Variants in CAMK1D observed in about 807,000 individuals in gnomAD.
The protein encoded by CAMK1D is calcium/calmodulin dependent protein kinase ID.
A neutral mutation model predicts 47.7 loss-of-function variants in CAMK1D; 9 were observed. The observed-to-expected ratio is 0.19, with a 90% CI of 0.11 to 0.33. The LOEUF (loss-of-function observed/expected upper bound fraction) is 0.33. Ranked by LOEUF, CAMK1D falls within the 10% of genes least tolerant of loss-of-function variation. CAMK1D has a pLI of 1.00. For synonymous variants in CAMK1D, 184 were observed against 184.9 expected, an observed-to-expected ratio of 0.99 and a Z score of 0.04; for missense variants, 291 against 488.7, an observed-to-expected ratio of 0.60 and a Z score of 3.81.
chr10:12,807,182 G>A (rs1299529604), intron 6 of CAMK1D, among the ~76,000 whole-genome samples: 62 of 152,130 alleles, frequency 4.1e-4, no homozygotes, highest in Non-Finnish European at 8.2e-4. Context: ...CATGTACCTG[G>A]TCCAGCTCTG....
intron 8 of CAMK1D, among the ~76,000 whole-genome samples, chr10:12,823,075 C>G (rs1388508595): frequency 6.6e-6 from 1 of 152,148 alleles, no homozygotes; most frequent in African/African-American, 2.4e-5. Context: ...CTCTGTCCAC[C>G]CTGTTTGCAG....
intron 3 of CAMK1D, among the ~76,000 whole-genome samples, chr10:12,755,329 T>C (rs1486494643): frequency 6.6e-6 from 1 of 152,092 alleles, no homozygotes. Flanking sequence ...CTGCGTTTTG[T>C]GGGAAGAGGG....
At chr10:12,352,473 G>A (rs1837382100) in intron 1 of CAMK1D, among the ~76,000 whole-genome samples, 1 of 151,846 alleles carries the variant, frequency 6.6e-6, no homozygotes, top group Admixed American at 6.6e-5. Context: ...GCCGGGTGTG[G>A]TGGTGTGTGC....
At chr10:12,743,355 A>AAAAAAAAAAAAAAAAGAAAAG (rs1461631779) in intron 3 of CAMK1D, among the ~76,000 whole-genome samples, 1 of 118,154 alleles carries the variant, frequency 8.5e-6, no homozygotes, top group African/African-American at 2.8e-5. Context: ...TCAAAAAAAA[A>AAAAAAAAAAAAAAAAGAAAAG]AAAAGAAAAA....
intron 1 of CAMK1D, among the ~76,000 whole-genome samples, chr10:12,527,035 T>C (rs1835646758): frequency 6.6e-6 from 1 of 151,656 alleles, no homozygotes; most frequent in African/African-American, 2.4e-5. Flanking sequence ...AAATAAAAAA[T>C]AAATCAAATC....
chr10:12,804,927 G>A (rs1315415801), intron 6 of CAMK1D, among the ~76,000 whole-genome samples: 5 of 75,968 alleles, frequency 6.6e-5, no homozygotes, highest in Non-Finnish European at 9.2e-5. Flanking sequence ...GATAAAGCTA[G>A]ACCCTGTCTC....
intron 2 of CAMK1D, among the ~76,000 whole-genome samples, chr10:12,555,833 A>T (rs1315549826): frequency 6.6e-6 from 1 of 152,170 alleles, no homozygotes; most frequent in Non-Finnish European, 1.5e-5. Flanking sequence ...AGTCAGTTTC[A>T]TTTTTTAGCA....
intron 1 of CAMK1D, among the ~76,000 whole-genome samples, chr10:12,354,596 G>T (rs1407778677): frequency 1.3e-5 from 2 of 151,432 alleles, no homozygotes; most frequent in African/African-American, 2.4e-5. Flanking sequence ...TTTTTTAGTA[G>T]AGACGGGATT....
chr10:12,738,684 T>G lies in CAMK1D; in HGVS notation c.300-22264T>G, dbSNP rs1835288002. ...CATCTCTACTAAAAATGCAAAAAAT[T>G]AGCCGGGCGTGGTGGCTCGCACCTG... On this transcript the variant is annotated intron_variant, in intron 3 of 10. Coordinates refer to ENST00000619168, the MANE Select transcript of CAMK1D (RefSeq NM_153498.4). Among the ~76,000 whole-genome samples the G allele has an allele frequency of 2.0e-5, 3 of 151,548 alleles. No individual in the cohort carries two copies. In the South Asian group the frequency reaches 6.3e-4, roughly 32 times the overall value.
chr10:12,756,651 G>A (rs1010443602), intron 3 of CAMK1D, among the ~76,000 whole-genome samples: 2 of 152,336 alleles, frequency 1.3e-5, no homozygotes, highest in South Asian at 4.1e-4. Context: ...ACACAGCTGG[G>A]CACGGTGGCT....
Position 12,789,359 on chromosome 10 carries a change from C to A in CAMK1D, c.566-1799C>A, listed in dbSNP as rs1376809387. 2.6e-5 allele frequency among the ~76,000 whole-genome samples: 4 copies of A among 152,180 alleles called. 1 individual carries two copies. Among genetic ancestry groups the A allele is most frequent in the Admixed American group, 1.3e-4 (2 of 15,276 alleles). The stretch of plus-strand genomic sequence containing the variant: ...TAAACCTAGACTGAAGACGCTCTCA[C>A]CTTAGCAAACAGTACGTTTGAGTGA... On this transcript the variant is annotated intron_variant, in intron 5 of 10. Coordinates refer to ENST00000619168, the MANE Select transcript of CAMK1D (RefSeq NM_153498.4).
At chr10:12,822,944 G>A (rs148383655) in intron 8 of CAMK1D, among the ~76,000 whole-genome samples, 98 of 152,322 alleles carry the variant, frequency 6.4e-4, no homozygotes, top group African/African-American at 2.2e-3. Flanking sequence ...TTTCCTGCAC[G>A]TCCCCTTGGC....
At chr10:12,800,270 C>G (rs1331638709) in intron 6 of CAMK1D, among the ~76,000 whole-genome samples, 3 of 152,202 alleles carry the variant, frequency 2.0e-5, no homozygotes, top group African/African-American at 7.2e-5. Context: ...AAATAATATG[C>G]TAAAACCTGT....
chr10:12,376,125 T>C (rs1326455805), intron 1 of CAMK1D, among the ~76,000 whole-genome samples: 2 of 122,228 alleles, frequency 1.6e-5, no homozygotes, highest in Non-Finnish European at 3.1e-5. Flanking sequence ...ATCATACCAC[T>C]GCACTCCAGC....
At chr10:12,563,479 T>A (rs929140481) in intron 2 of CAMK1D, among the ~76,000 whole-genome samples, 9 of 152,228 alleles carry the variant, frequency 5.9e-5, no homozygotes, top group African/African-American at 2.2e-4. Context: ...GTCTGCTGAT[T>A]CAGATGCTAA....
At chr10:12,419,502 A>ATTTTACTTAAAAAAAAAATTTTC (rs1839973860) in intron 1 of CAMK1D, among the ~76,000 whole-genome samples, 1 of 152,172 alleles carries the variant, frequency 6.6e-6, no homozygotes, top group East Asian at 1.9e-4. Flanking sequence ...TCTTGACAAC[A>ATTTTACTTAAAAAAAAAATTTTC]TGCAGGGCAC....
chr10:12,528,730 C>T (rs977073703), intron 1 of CAMK1D, among the ~76,000 whole-genome samples: 1 of 130,990 alleles, frequency 7.6e-6, no homozygotes, highest in African/African-American at 2.9e-5. Context: ...GTGAGGAAAT[C>T]CTCATCTTTT....
At chr10:12,707,081 G>A (rs1833754638) in intron 3 of CAMK1D, among the ~76,000 whole-genome samples, 1 of 152,224 alleles carries the variant, frequency 6.6e-6, no homozygotes, top group African/African-American at 2.4e-5. Flanking sequence ...GCTGGAGAGA[G>A]ATAGGAGTTA....
intron 3 of CAMK1D, among the ~76,000 whole-genome samples, chr10:12,731,926 A>G (rs988440437): frequency 1.3e-5 from 2 of 152,038 alleles, no homozygotes; most frequent in African/African-American, 4.8e-5. Context: ...GGTAGGGAGG[A>G]GGACTGAATT....
Sources: allele counts gnomAD v4.1 joint callset (sites outside exome capture counted in the v4.1 genomes callset), GRCh38; gene constraint gnomAD v4.1.1; transcripts MANE v1.5; gene names NCBI Gene and HGNC (gene_info 2026-07-23, HGNC 2026-07-21).